The following NDOR1 variants were observed in gnomAD, a reference collection of about 807,000 sequenced individuals.
NDOR1 encodes the protein NADPH-dependent diflavin oxidoreductase 1.
NDOR1 carries 61 observed loss-of-function variants against 67.2 expected under a neutral mutation model. That is an observed-to-expected ratio of 0.91 (90% CI 0.74 to 1.12). The LOEUF (loss-of-function observed/expected upper bound fraction) is 1.12. Among genes scored for constraint, NDOR1 ranks in the 50% most tolerant of loss-of-function variants. The probability of loss-of-function intolerance (pLI) is 0.00; values close to 1 mark genes in which losing one functional copy is unlikely to be tolerated. For synonymous variants in NDOR1, 378 were observed against 343.7 expected, an observed-to-expected ratio of 1.10 and a Z score of -1.10; for missense variants, 878 against 802.8, an observed-to-expected ratio of 1.09 and a Z score of -1.13.
In NDOR1 at chr9:137,215,116, A is replaced by T; in HGVS notation, c.1087A>T (p.Thr363Ser). 6.2e-7 allele frequency: 1 copy of T among 1,613,772 alleles called. No homozygotes were observed. The highest frequency in any genetic ancestry group is 8.5e-7 in the Non-Finnish European group (1 of 1,179,984). ...ILEVLCDFPH[T>S]AAAIPPDYLL... ...CTAGGTGCTCTGTGACTTCCCGCAC[A>T]CAGCTGCCGCCATCCCTCCCGACTA... Residue 363 changes from threonine (T) to serine (S), a missense_variant, in exon 9 of 14, where the codon ACA becomes TCA. Thr to Ser is a moderately conservative substitution (Grantham distance 58). Coordinates refer to ENST00000684003, the MANE Select transcript of NDOR1 (RefSeq NM_014434.4).
At position 137,213,995 on chromosome 9, in the gene NDOR1, C is replaced by T. The variant is rs571461858; in HGVS notation, c.439C>T (p.Arg147Ter). 1.0e-5 allele frequency: 16 copies of T among 1,555,270 alleles called. No individual in the cohort carries two copies. The highest frequency in any genetic ancestry group is 2.4e-5 in the East Asian group (1 of 41,900). The change falls in exon 5 of 14, where the codon CGA becomes TGA. Residue 147 changes from arginine to a stop codon, truncating the protein, a stop_gained. Transcript: ENST00000684003. LOFTEE classifies it high-confidence loss of function. Reference protein sequence around the residue: ...GPDAAVDPWLRDLWDRVLGLY... With the variant: ...GPDAAVDPWL ...CGACGCTGCTGTGGACCCCTGGCTG[C>T]GAGACTTGTGGGACAGGGTTCTGGG...
chr9:137,208,467 C>CA (rs1256971725), intron 2 of NDOR1, among the ~76,000 whole-genome samples: 1 of 149,622 alleles, frequency 6.7e-6, no homozygotes, highest in East Asian at 2.0e-4. Flanking sequence ...AAAAAAAAGA[C>CA]AAAAAACAAA....
chr9:137,214,530 C>T, intron 6 of NDOR1, 40 bp from the exon 7 acceptor site: 1 of 1,610,088 alleles, frequency 6.2e-7, no homozygotes, highest in East Asian at 2.2e-5. Flanking sequence ...GACATCCTCC[C>T]TGCGGCGTCC....
rs1029347783 is a variant in NDOR1, at chr9:137,217,388, C to G, written c.*972C>G. The G allele has an allele frequency of 6.6e-6, 1 of 152,452 alleles. No homozygotes were observed. The highest frequency in any genetic ancestry group is 2.4e-5 in the African/African-American group (1 of 41,454). 9.4% of individuals were successfully genotyped at this position (152,452 alleles called of 1,614,324 possible). On this transcript the variant is annotated 3_prime_UTR_variant, in exon 14 of 14. Coordinates refer to ENST00000684003, the MANE Select transcript of NDOR1 (RefSeq NM_014434.4). ...CGTGCCGCTAGGGAGCCGAGACTGC[C>G]GGAAAGAGGAGCGGCAGGAGGGGGC...
chr9:137,214,742 G>GC, intron 7 of NDOR1, 51 bp downstream of exon 7: 1 of 1,596,686 alleles, frequency 6.3e-7, no homozygotes, highest in Non-Finnish European at 8.5e-7. Context: ...CGTGCCCTGG[G>GC]CCCCCACCCC....
rs1835729565 is a variant in NDOR1 at position 137,218,318 on chromosome 9, C to T, written c.*1902C>T. The T allele has an allele frequency of 2.5e-6, 1 of 398,268 alleles. No homozygotes were observed. Among genetic ancestry groups the T allele is most frequent in the South Asian group, 1.3e-4 (1 of 7,874 alleles). 24.7% of individuals were successfully genotyped at this position (398,268 alleles called of 1,614,324 possible). The stretch of plus-strand genomic sequence containing the variant: ...CTCACGCCAGCCCCGCCGAGAGGCC[C>T]CTGCATCCTATCACCGCAACCCTGG... On this transcript the variant is annotated 3_prime_UTR_variant, in exon 14 of 14. Transcript: ENST00000684003.
At chr9:137,214,456 C>T (rs759427646) in intron 6 of NDOR1, 43 bp downstream of exon 6, 21 of 1,545,020 alleles carry the variant, frequency 1.4e-5, no homozygotes, top group East Asian at 2.4e-5. Flanking sequence ...TGAGGTGGGC[C>T]GTGGGTCTGG....
chr9:137,206,428 G>T (rs1834969351), intron 2 of NDOR1, 119 bp downstream of exon 2: 8 of 1,083,716 alleles, frequency 7.4e-6, no homozygotes, highest in Middle Eastern at 2.7e-4. Context: ...TTCAGAGGTG[G>T]ATTTGAGAGA....
chr9:137,218,583 T>G lies in NDOR1; in HGVS notation c.*2167T>G. On this transcript the variant is annotated 3_prime_UTR_variant, in exon 14 of 14. Transcript: ENST00000684003. ...CTGCTGGGACTGCTCTTCGTGCTCC[T>G]GGACCGCTCTGGCCGCTGAGCAGAG... 2.5e-6 allele frequency: 1 copy of G among 399,174 alleles called. No individual in the cohort carries two copies. Among genetic ancestry groups the G allele is most frequent in the East Asian group, 3.6e-5 (1 of 28,088 alleles). 24.7% of individuals were successfully genotyped at this position (399,174 alleles called of 1,614,324 possible). A position where few individuals can be genotyped will look rare whatever the true frequency, so the allele number is the denominator to read the frequency against.
chr9:137,215,287 C>T (rs1056430392), intron 9 of NDOR1, 85 bp downstream of exon 9: 26 of 1,544,468 alleles, frequency 1.7e-5, no homozygotes, highest in Middle Eastern at 3.4e-4. Flanking sequence ...AGGGGCTGCC[C>T]TCTGACCAGG....
Position 137,216,342 on chromosome 9 carries a change from T to C in NDOR1, c.1720T>C (p.Cys574Arg), listed in dbSNP as rs758690252. Residue 574 changes from cysteine to arginine, a missense_variant, in exon 14 of 14, where the codon TGC becomes CGC. Coordinates refer to ENST00000684003, the MANE Select transcript of NDOR1 (RefSeq NM_014434.4). The part of the protein sequence containing the change: ...MSIFQEEGGL[C>R]SPDAAAYLAR... ...CATCTTCCAGGAGGAGGGTGGACTC[T>C]GCAGCCCGGACGCAGCCGCGTATCT... is the stretch of plus-strand genomic sequence containing the variant. 11 of 1,610,618 alleles carry C rather than the reference T, an allele frequency of 6.8e-6. No homozygotes were observed. The highest frequency in any genetic ancestry group is 1.3e-5 in the African/African-American group (1 of 75,044).
chr9:137,210,363 C>T (rs1383408337), intron 2 of NDOR1, among the ~76,000 whole-genome samples: 1 of 151,956 alleles, frequency 6.6e-6, no homozygotes, highest in East Asian at 1.9e-4. Context: ...GCAGGGACTG[C>T]AGGTGCGCAC....
chr9:137,215,071 C>T (rs1322883769), intron 8 of NDOR1, 24 bp from the exon 9 acceptor site: 2 of 1,613,318 alleles, frequency 1.2e-6, no homozygotes, highest in Non-Finnish European at 1.7e-6. Context: ...ACGCTGCAGC[C>T]ACCCTGAGAC....
chr9:137,209,299 T>A (rs965475755), intron 2 of NDOR1, among the ~76,000 whole-genome samples: 3 of 150,722 alleles, frequency 2.0e-5, no homozygotes, highest in African/African-American at 7.3e-5. Flanking sequence ...GGTCGAGGGG[T>A]CTCAGATAGA....
intron 2 of NDOR1, among the ~76,000 whole-genome samples, chr9:137,211,751 C>G (rs1315093732): frequency 6.6e-6 from 1 of 151,944 alleles, no homozygotes; most frequent in East Asian, 1.9e-4. Context: ...TGTGGGCTGA[C>G]AAGGCCAGGG....
chr9:137,207,882 C>T (rs923260948), intron 2 of NDOR1, among the ~76,000 whole-genome samples: 2 of 152,128 alleles, frequency 1.3e-5, no homozygotes, highest in African/African-American at 2.4e-5. Flanking sequence ...CGGTGGCTCA[C>T]GCCTGTAATC....
rs1372821091 is a variant in NDOR1, at chr9:137,212,585, C to T, written c.297C>T (p.Asp99=). The T allele has an allele frequency of 6.2e-7, 1 of 1,613,858 alleles. No homozygotes were observed. The highest frequency in any genetic ancestry group is 8.5e-7 in the Non-Finnish European group (1 of 1,179,774). The change falls in exon 3 of 14, where the codon GAC becomes GAT. Residue 99 remains aspartate, a synonymous_variant. Transcript: ENST00000684003. This position sits in a 1 kb window ranked among gnomAD's most constrained non-coding sequence, Gnocchi z 4.3. ...ACTTTGCCGTCCTGGGCCTCGGGGACTCCTCATACGCCAAGTGAGTAGGGG... is the reference window on the plus strand; with the variant it reads ...ACTTTGCCGTCCTGGGCCTCGGGGATTCCTCATACGCCAAGTGAGTAGGGG... ...QMDFAVLGLG[D]SSYAKFNFVA...
intron 2 of NDOR1, among the ~76,000 whole-genome samples, chr9:137,207,746 T>A (rs1013120132): frequency 6.6e-6 from 1 of 152,186 alleles, no homozygotes; most frequent in African/African-American, 2.4e-5. Context: ...GCAAAGGGAT[T>A]GTTGGTGATA....
In NDOR1 at chr9:137,217,657, G is replaced by C. The variant is rs1173602519; in HGVS notation, c.*1241G>C. Reference sequence around the variant, plus strand: ...CAGGCCTTGCTGGGGCCCCAGTCAAGTCCACTTCCAGTGAGGAGAGCCAGC... The same window carrying C: ...CAGGCCTTGCTGGGGCCCCAGTCAACTCCACTTCCAGTGAGGAGAGCCAGC... On this transcript the variant is annotated 3_prime_UTR_variant, in exon 14 of 14. Transcript: ENST00000684003. 4.0e-6 allele frequency: 1 copy of C among 249,388 alleles called. No homozygotes were observed. Among genetic ancestry groups the C allele is most frequent in the Non-Finnish European group, 7.6e-6 (1 of 131,332 alleles). The allele number at this position is 249,388 out of a possible 1,614,324, so 15.4% of individuals were successfully genotyped here.
Sources: gnomAD v4.1 joint callset for allele counts (sites outside exome capture counted in the v4.1 genomes callset) on GRCh38, gnomAD v4.1.1 for gene constraint, Gnocchi (gnomAD v3.1) non-coding constraint, MANE v1.5 for transcripts, NCBI Gene and HGNC (gene_info 2026-07-23, HGNC 2026-07-21) for gene names.